KIAA1217: variants seen among roughly 807,000 people sequenced by gnomAD.
The protein encoded by KIAA1217 is sickle tail protein homolog.
Under a neutral mutation model 163.9 loss-of-function variants are expected in KIAA1217, and 88 were observed. That is an observed-to-expected ratio of 0.54 (90% CI 0.45 to 0.64). The LOEUF is 0.64. Ranked by LOEUF, KIAA1217 falls within the 30% of genes least tolerant of loss-of-function variation. KIAA1217 has a pLI of 0.00. For synonymous variants in KIAA1217, 903 were observed against 923.1 expected (o/e 0.98, Z 0.39); for missense variants, 2,372 against 2,475.0 (o/e 0.96, Z 0.88).
chr10:24,113,959 A>G (rs75395454), intron 2 of KIAA1217, among the ~76,000 whole-genome samples: 10,280 of 152,266 alleles, frequency 0.068, 375 homozygotes, highest in Middle Eastern at 0.18. Context: ...GGGCCCTTCT[A>G]ATCATGGGAG....
In KIAA1217 at chr10:23,927,032, C is replaced by T. The variant is rs116598217; in HGVS notation, c.-320-80193C>T. Among the ~76,000 whole-genome samples the T allele has an allele frequency of 2.0e-3, 299 of 151,982 alleles. 3 individuals are homozygous for T. Among genetic ancestry groups the T allele is most frequent in the African/African-American group, 6.9e-3 (286 of 41,450 alleles). ...AAGCAATCCTCCCACCTCAGCCTCC[C>T]GAGTACCTGGATCCACAGGCATGTA... On this transcript the variant is annotated intron_variant, in intron 1 of 18. Transcript: ENST00000376462.
chr10:23,957,363 G>A (rs920066711), intron 1 of KIAA1217, among the ~76,000 whole-genome samples: 2 of 152,054 alleles, frequency 1.3e-5, no homozygotes, highest in South Asian at 4.1e-4. Context: ...TTTTCACCCT[G>A]ACTTCACCTA....
At chr10:23,770,914 G>A (rs1834767120) in intron 1 of KIAA1217, among the ~76,000 whole-genome samples, 1 of 152,162 alleles carries the variant, frequency 6.6e-6, no homozygotes. Flanking sequence ...TGCTGTCCAA[G>A]TTTGAGGTAC....
At position 23,960,337 on chromosome 10, in the gene KIAA1217, C is replaced by A. The variant is rs909630671; in HGVS notation, c.-320-46888C>A. Among the ~76,000 whole-genome samples the A allele has an allele frequency of 1.6e-4, 24 of 151,972 alleles. No homozygotes were observed. The Middle Eastern group carries it at 0.01, about 65-fold the overall frequency. ...GCAGTGGTGAGATCTCGGCTTACCGCAACCTCTGCCTCCCAGTTCCAGCAA... is the reference window on the plus strand; with the variant it reads ...GCAGTGGTGAGATCTCGGCTTACCGAAACCTCTGCCTCCCAGTTCCAGCAA... On this transcript the variant is annotated intron_variant, in intron 1 of 18. Transcript: ENST00000376462.
intron 2 of KIAA1217, among the ~76,000 whole-genome samples, chr10:24,342,850 GT>G (rs1213291439): frequency 6.6e-6 from 1 of 151,786 alleles, no homozygotes; most frequent in Non-Finnish European, 1.5e-5. Flanking sequence ...TAGAGACAGG[GT>G]TTCACCATCT....
intron 2 of KIAA1217, among the ~76,000 whole-genome samples, chr10:24,122,083 T>C (rs957071001): frequency 3.9e-5 from 6 of 152,158 alleles, no homozygotes; most frequent in Non-Finnish European, 8.8e-5. Context: ...ATACTGAGGT[T>C]TAAGCTTCTA....
chr10:24,253,865 T>C (rs1045267303), intron 2 of KIAA1217, among the ~76,000 whole-genome samples: 6 of 151,460 alleles, frequency 4.0e-5, no homozygotes, highest in Admixed American at 2.6e-4. Flanking sequence ...CAGTGAGCCA[T>C]GATCAGGCCA....
chr10:24,199,784 A>G (rs2067163198), intron 2 of KIAA1217, among the ~76,000 whole-genome samples: 1 of 152,112 alleles, frequency 6.6e-6, no homozygotes, highest in South Asian at 2.1e-4. Context: ...GAATGTCCTG[A>G]TTTTCATAGA....
intron 1 of KIAA1217, among the ~76,000 whole-genome samples, chr10:23,734,031 T>C (rs1313585410): frequency 6.6e-6 from 1 of 152,182 alleles, no homozygotes. Context: ...ATGTAACATT[T>C]AATATGAAAC....
At chr10:24,158,947 C>T (rs1372432439) in intron 2 of KIAA1217, among the ~76,000 whole-genome samples, 1 of 152,136 alleles carries the variant, frequency 6.6e-6, no homozygotes, top group East Asian at 1.9e-4. Context: ...ATTTGTAGCT[C>T]ACACTTTAGA....
intron 2 of KIAA1217, among the ~76,000 whole-genome samples, chr10:24,090,884 A>T (rs975165965): frequency 2.0e-5 from 3 of 151,918 alleles, no homozygotes; most frequent in South Asian, 4.1e-4. Flanking sequence ...GTCAAATGTC[A>T]TTGAAACACT....
intron 1 of KIAA1217, among the ~76,000 whole-genome samples, chr10:23,758,781 G>A (rs1348311499): frequency 6.7e-6 from 1 of 149,156 alleles, no homozygotes; most frequent in Non-Finnish European, 1.5e-5. Context: ...CTGCCTCCTG[G>A]GTTCAAGTGA....
chr10:23,696,782 CTCCTTGAAGGCGGGATACTG>C (rs1836073789), intron 1 of KIAA1217, among the ~76,000 whole-genome samples: 1 of 152,186 alleles, frequency 6.6e-6, no homozygotes, highest in South Asian at 2.1e-4. Context: ...AGACGGTATC[CTCCTTGAAGGCGGGATACTG>C]TCATTCATCT....
chr10:23,834,092 A>G, intron 1 of KIAA1217, among the ~76,000 whole-genome samples: 1 of 152,158 alleles, frequency 6.6e-6, no homozygotes, highest in South Asian at 2.1e-4. Context: ...TGTCTTTGCT[A>G]GGATTAGTCT....
chr10:23,745,284 G>T (rs1588705896), intron 1 of KIAA1217, among the ~76,000 whole-genome samples: 2 of 152,286 alleles, frequency 1.3e-5, no homozygotes, highest in East Asian at 3.9e-4. Context: ...ATAAACAAAT[G>T]ATAGGATAAA....
At chr10:24,111,380 C>T (rs1018260322) in intron 2 of KIAA1217, among the ~76,000 whole-genome samples, 10 of 152,004 alleles carry the variant, frequency 6.6e-5, no homozygotes, top group African/African-American at 1.7e-4. Flanking sequence ...AGTTGAATAA[C>T]GCAATATTCT....
intron 11 of KIAA1217, among the ~76,000 whole-genome samples, chr10:24,521,377 C>T (rs1353341825): frequency 1.3e-5 from 2 of 151,722 alleles, no homozygotes; most frequent in Non-Finnish European, 2.9e-5. Flanking sequence ...TGGTGTGCAG[C>T]ACCTAAATAG....
intron 1 of KIAA1217, among the ~76,000 whole-genome samples, chr10:23,861,664 A>G (rs542352891): frequency 2.7e-4 from 41 of 152,336 alleles, no homozygotes; most frequent in African/African-American, 8.9e-4. Flanking sequence ...TGGCTCCATG[A>G]TGGAGAGGCC....
At chr10:24,020,837 TAAAACAAAAC>T (rs553820133) in intron 2 of KIAA1217, among the ~76,000 whole-genome samples, 9 of 151,872 alleles carry the variant, frequency 5.9e-5, no homozygotes, top group Non-Finnish European at 8.8e-5. Flanking sequence ...AGCAAGTTCC[TAAAACAAAAC>T]AAAACAAAAC....
Sources: gnomAD v4.1 joint callset for allele counts (sites outside exome capture counted in the v4.1 genomes callset) on GRCh38, gnomAD v4.1.1 for gene constraint, MANE v1.5 for transcripts, NCBI Gene and HGNC (gene_info 2026-07-23, HGNC 2026-07-21) for gene names.